Variants in PTPRD observed in about 807,000 individuals in gnomAD.
PTPRD encodes the protein receptor-type tyrosine-protein phosphatase delta.
A neutral mutation model predicts 214.5 loss-of-function variants in PTPRD; 34 were observed. The ratio of observed to expected loss-of-function variants is 0.16; its 90% CI spans 0.12 to 0.21. The LOEUF is 0.21. Among genes scored for constraint, PTPRD ranks in the 10% least tolerant of loss-of-function variants. PTPRD has a pLI of 1.00. For synonymous variants in PTPRD, 1,128 were observed against 845.7 expected (o/e 1.33, Z -5.79); for missense variants, 2,545 against 2,398.7 (o/e 1.06, Z -1.27).
intron 39 of PTPRD, among the ~76,000 whole-genome samples, chr9:8,349,858 C>G (rs972370506): frequency 6.6e-6 from 1 of 151,692 alleles, no homozygotes; most frequent in Non-Finnish European, 1.5e-5. Context: ...AACTATTCCA[C>G]TAATGAGAAT....
chr9:10,536,255 T>C (rs1478944525), intron 2 of PTPRD, among the ~76,000 whole-genome samples: 1 of 152,142 alleles, frequency 6.6e-6, no homozygotes, highest in Non-Finnish European at 1.5e-5. Flanking sequence ...AAGTGTAATA[T>C]CATCTGTGCA....
chr9:9,768,692 T>C (rs1170998578), intron 5 of PTPRD, among the ~76,000 whole-genome samples: 1 of 152,124 alleles, frequency 6.6e-6, no homozygotes, highest in Non-Finnish European at 1.5e-5. Context: ...CCTCCTTAAA[T>C]GACAAGGAAA....
chr9:8,718,069 G>A (rs2098455392), intron 12 of PTPRD, among the ~76,000 whole-genome samples: 1 of 152,190 alleles, frequency 6.6e-6, no homozygotes. Flanking sequence ...TGGAAGAGGA[G>A]GTGAGACCTG....
chr9:9,518,883 C>T (rs990394262), intron 8 of PTPRD, among the ~76,000 whole-genome samples: 5 of 151,908 alleles, frequency 3.3e-5, no homozygotes, highest in African/African-American at 1.2e-4. Flanking sequence ...AATATATGTC[C>T]CTCCCTTGAT....
intron 2 of PTPRD, among the ~76,000 whole-genome samples, chr9:10,342,246 T>A (rs2096955273): frequency 6.6e-6 from 1 of 152,060 alleles, no homozygotes; most frequent in Admixed American, 6.6e-5. Flanking sequence ...CACTTATAGG[T>A]AACAAATCCT....
intron 43 of PTPRD, among the ~76,000 whole-genome samples, chr9:8,336,876 T>C (rs914130064): frequency 9.2e-5 from 14 of 152,096 alleles, no homozygotes; most frequent in African/African-American, 3.4e-4. Flanking sequence ...ATTAGAGAAA[T>C]GCAAATCAAA....
In PTPRD at chr9:10,523,637, GGAGA is replaced by G. The variant is rs34292948; in HGVS notation, c.-600+88757_-600+88760del. Reference sequence around the variant, plus strand: ...TATATATATATAGACAGAAAGAAAGGGAGAGAGAGAGAGAGAGAGAAATAAAGAG... The same window carrying G: ...TATATATATATAGACAGAAAGAAAGGGAGAGAGAGAGAGAGAAATAAAGAG... On this transcript the variant is annotated intron_variant, in intron 2 of 45. Transcript: ENST00000381196. Among the ~76,000 whole-genome samples, 43 of 22,498 alleles carry G rather than the reference GGAGA, an allele frequency of 1.9e-3. 1 individual carries two copies. The highest frequency in any genetic ancestry group is 3.0e-3 in the Admixed American group (5 of 1,650). The allele number at this position is 22,498 out of a possible 152,430, so 14.8% of individuals were successfully genotyped here.
chr9:10,562,923 T>C (rs546273969), intron 2 of PTPRD, among the ~76,000 whole-genome samples: 3 of 152,248 alleles, frequency 2.0e-5, no homozygotes, highest in South Asian at 4.1e-4. Context: ...TACCCAGCCA[T>C]GATTGTTGTA....
rs1322285 is a variant in PTPRD at position 10,582,951 on chromosome 9, A to T, written c.-600+29447T>A. On this transcript the variant is annotated intron_variant, in intron 2 of 45. Transcript: ENST00000381196. ...TGAAATGACATAGGATAGAGGGAGG[A>T]AAAAATAGAAGTGTATTTGATAGAA... 9.7e-3 allele frequency among the ~76,000 whole-genome samples: 1,474 copies of T among 152,340 alleles called. 60 individuals are homozygous for T. The East Asian group carries it at 0.11, about 12-fold the overall frequency.
In PTPRD at chr9:9,507,381, T is replaced by G. The variant is rs2096595323; in HGVS notation, c.-237+67351A>C. Among the ~76,000 whole-genome samples, 7 of 151,314 alleles carry G rather than the reference T, an allele frequency of 4.6e-5. No homozygotes were observed. In the South Asian group the frequency reaches 1.5e-3, roughly 32 times the overall value. ...ATTGGCTTCTATATACTTTCTTGGA[T>G]TGTCTGAATTGTATACAATAAAAAT... On this transcript the variant is annotated intron_variant, in intron 8 of 45. Coordinates refer to ENST00000381196, the MANE Select transcript of PTPRD (RefSeq NM_002839.4).
intron 14 of PTPRD, among the ~76,000 whole-genome samples, chr9:8,557,455 T>TATACATACACACATACACATAC: frequency 2.2e-5 from 3 of 135,630 alleles, no homozygotes; most frequent in African/African-American, 1.0e-4. Flanking sequence ...TATATATATA[T>TATACATACACACATACACATAC]ATTTGGGCCG....
intron 3 of PTPRD, among the ~76,000 whole-genome samples, chr9:10,152,045 A>C (rs183980992): frequency 6.6e-6 from 1 of 152,200 alleles, no homozygotes; most frequent in South Asian, 2.1e-4. Context: ...TTTTACATTC[A>C]TAAATACCTA....
chr9:10,309,808 A>G (rs1052976223), intron 3 of PTPRD, among the ~76,000 whole-genome samples: 1 of 152,072 alleles, frequency 6.6e-6, no homozygotes, highest in African/African-American at 2.4e-5. Flanking sequence ...AATTAGAACT[A>G]TTTTTAAACG....
chr9:10,186,297 T>G (rs1321501261), intron 3 of PTPRD, among the ~76,000 whole-genome samples: 2 of 152,106 alleles, frequency 1.3e-5, no homozygotes, highest in African/African-American at 4.8e-5. Flanking sequence ...AAATTTAAAT[T>G]TATATGATCA....
At chr9:9,371,513 A>G (rs939090456) in intron 9 of PTPRD, among the ~76,000 whole-genome samples, 58 of 151,562 alleles carry the variant, frequency 3.8e-4, no homozygotes, top group Non-Finnish European at 7.9e-4. Context: ...TTTCTTCTTT[A>G]TTAGTCTTGC....
At chr9:8,458,164 G>A (rs1240330143) in intron 33 of PTPRD, among the ~76,000 whole-genome samples, 1 of 152,070 alleles carries the variant, frequency 6.6e-6, no homozygotes, top group Admixed American at 6.6e-5. Context: ...ACACTAAAAT[G>A]CTACTCTATT....
At chr9:8,880,607 G>C (rs982916312) in intron 11 of PTPRD, among the ~76,000 whole-genome samples, 2 of 152,030 alleles carry the variant, frequency 1.3e-5, no homozygotes, top group African/African-American at 4.8e-5. Context: ...AAATAGACCA[G>C]GTATACTGCA....
chr9:10,248,738 T>G (rs2092474468), intron 3 of PTPRD, among the ~76,000 whole-genome samples: 1 of 152,124 alleles, frequency 6.6e-6, no homozygotes, highest in Non-Finnish European at 1.5e-5. Flanking sequence ...ACTAATGGCA[T>G]GCTCTTCTCT....
chr9:10,450,673 G>A (rs2098835553), intron 2 of PTPRD, among the ~76,000 whole-genome samples: 2 of 151,970 alleles, frequency 1.3e-5, no homozygotes, highest in African/African-American at 4.8e-5. Context: ...TGGCAAATGT[G>A]CTTTCCTCAG....
Sources: allele counts gnomAD v4.1 joint callset (sites outside exome capture counted in the v4.1 genomes callset), GRCh38; gene constraint gnomAD v4.1.1; transcripts MANE v1.5; gene names NCBI Gene and HGNC (gene_info 2026-07-23, HGNC 2026-07-21).